The following DENND1B variants were observed in gnomAD, a reference collection of about 807,000 sequenced individuals.
DENND1B encodes the protein DENN domain containing 1B, also known as DENN domain-containing protein 1B.
In DENND1B, 59 loss-of-function variants were observed where a neutral mutation model predicts 90.1. That is an observed-to-expected ratio of 0.65 (90% CI 0.53 to 0.81). The LOEUF (loss-of-function observed/expected upper bound fraction) is 0.81. Ranked by LOEUF, DENND1B falls within the 40% of genes least tolerant of loss-of-function variation. The pLI, the probability that DENND1B is intolerant of heterozygous loss-of-function variation, is 0.00. For missense variants in DENND1B, 862 were observed against 912.6 expected (o/e 0.94, Z 0.71); for synonymous variants, 337 against 324.6 (o/e 1.04, Z -0.41).
rs192138166 is a variant in DENND1B at position 197,553,897 on chromosome 1, G to C, written c.1150-785C>G. Among the ~76,000 whole-genome samples the C allele has an allele frequency of 2.0e-5, 3 of 152,160 alleles. No homozygotes were observed. In the East Asian group the frequency reaches 5.8e-4, roughly 29 times the overall value. On this transcript the variant is annotated intron_variant, in intron 15 of 22. Transcript: ENST00000620048. ...AAAGAGGTTGGAGGAGTGGGAAACT[G>C]AAACTATCAAAAGCACCCGAAGATC... is the stretch of plus-strand genomic sequence containing the variant.
chr1:197,752,806 C>T (rs1392246299), intron 2 of DENND1B, among the ~76,000 whole-genome samples: 1 of 151,908 alleles, frequency 6.6e-6, no homozygotes, highest in East Asian at 1.9e-4. Flanking sequence ...CCACGACAGG[C>T]CCCGGTGTGT....
At chr1:197,704,174 T>A (rs984673768) in intron 3 of DENND1B, among the ~76,000 whole-genome samples, 1 of 152,092 alleles carries the variant, frequency 6.6e-6, no homozygotes, top group Admixed American at 6.6e-5. Context: ...GAGGTTGAGA[T>A]GGGAGGATCG....
At chr1:197,739,115 G>GA (rs1662982142) in intron 2 of DENND1B, among the ~76,000 whole-genome samples, 1 of 152,156 alleles carries the variant, frequency 6.6e-6, no homozygotes, top group Non-Finnish European at 1.5e-5. Flanking sequence ...TCACCCAAAA[G>GA]AAATGGGGGG....
chr1:197,757,222 G>T (rs1261165241), intron 2 of DENND1B: 1 of 152,044 alleles, frequency 6.6e-6, no homozygotes, highest in Non-Finnish European at 1.5e-5. Context: ...TTAAGACAAA[G>T]AAACAGGCTC....
chr1:197,603,429 G>A (rs1395005809), intron 13 of DENND1B, among the ~76,000 whole-genome samples: 1 of 150,892 alleles, frequency 6.6e-6, no homozygotes, highest in Non-Finnish European at 1.5e-5. Flanking sequence ...TCTGTGCCTT[G>A]ATTTTCTTAT....
At chr1:197,561,008 G>C (rs1358402694) in intron 15 of DENND1B, among the ~76,000 whole-genome samples, 1 of 151,914 alleles carries the variant, frequency 6.6e-6, no homozygotes, top group African/African-American at 2.4e-5. Flanking sequence ...AACTGCCTGT[G>C]CTCTTGCAAA....
intron 17 of DENND1B, among the ~76,000 whole-genome samples, 196 bp downstream of exon 17, chr1:197,546,537 A>C (rs1249654661): frequency 6.6e-6 from 1 of 152,224 alleles, no homozygotes; most frequent in African/African-American, 2.4e-5. Flanking sequence ...TTTGGACCAA[A>C]ACTTTCCATT....
At chr1:197,748,211 T>C (rs1247946220) in intron 2 of DENND1B, among the ~76,000 whole-genome samples, 1 of 127,642 alleles carries the variant, frequency 7.8e-6, no homozygotes, top group Non-Finnish European at 1.5e-5. Context: ...ATCCAAAATA[T>C]TCAGCGTGTA....
intron 15 of DENND1B, among the ~76,000 whole-genome samples, chr1:197,562,993 C>T (rs1323958870): frequency 6.6e-6 from 1 of 151,868 alleles, no homozygotes; most frequent in Non-Finnish European, 1.5e-5. Context: ...TCCTAACTCT[C>T]TTCAATTATA....
intron 9 of DENND1B, among the ~76,000 whole-genome samples, chr1:197,645,477 T>A (rs1031653915): frequency 2.6e-5 from 4 of 151,968 alleles, no homozygotes; most frequent in South Asian, 4.1e-4. Flanking sequence ...ATTTTCCTTA[T>A]CCACAACCAG....
At chr1:197,663,810 T>C (rs1228477815) in intron 5 of DENND1B, among the ~76,000 whole-genome samples, 13 of 152,046 alleles carry the variant, frequency 8.6e-5, no homozygotes, top group Admixed American at 7.9e-4. Flanking sequence ...GGTAATTGAA[T>C]TCACAACTCC....
At chr1:197,561,919 C>T (rs1244798292) in intron 15 of DENND1B, among the ~76,000 whole-genome samples, 1 of 151,826 alleles carries the variant, frequency 6.6e-6, no homozygotes, top group African/African-American at 2.4e-5. Context: ...TTCCACACTG[C>T]CATCAATTTC....
chr1:197,643,859 A>C (rs977036876), intron 9 of DENND1B, among the ~76,000 whole-genome samples: 1 of 152,214 alleles, frequency 6.6e-6, no homozygotes, highest in African/African-American at 2.4e-5. Context: ...ATTTTCTATA[A>C]TGAAACAAAT....
At chr1:197,514,137 G>A (rs1277595664) in intron 20 of DENND1B, among the ~76,000 whole-genome samples, 1 of 151,552 alleles carries the variant, frequency 6.6e-6, no homozygotes, top group Non-Finnish European at 1.5e-5. Context: ...ATAACGACTG[G>A]CTAAATCCAC....
At chr1:197,757,274 A>G (rs937318212) in intron 2 of DENND1B, 3 of 152,158 alleles carry the variant, frequency 2.0e-5, no homozygotes, top group Non-Finnish European at 2.9e-5. Flanking sequence ...TCTAACTCCA[A>G]TCTAACTCTA....
At chr1:197,746,026 C>A (rs926548659) in intron 2 of DENND1B, among the ~76,000 whole-genome samples, 1 of 152,160 alleles carries the variant, frequency 6.6e-6, no homozygotes, top group Admixed American at 6.5e-5. Context: ...GCATTTACGA[C>A]TAATCCATTA....
intron 2 of DENND1B, among the ~76,000 whole-genome samples, chr1:197,723,299 T>C (rs1240518163): frequency 1.3e-5 from 2 of 152,166 alleles, no homozygotes; most frequent in African/African-American, 4.8e-5. Flanking sequence ...ACAGGGCTAA[T>C]GGGTGAGAAT....
Position 197,506,349 on chromosome 1 carries a change from G to C in DENND1B, c.*4111C>G, listed in dbSNP as rs1667731578. ...ATACACTAACAATATTACTGGGTTTGACCCAGGAACATTAGTACTGACATA... is the reference window on the plus strand; with the variant it reads ...ATACACTAACAATATTACTGGGTTTCACCCAGGAACATTAGTACTGACATA... On this transcript the variant is annotated 3_prime_UTR_variant, in exon 23 of 23. Coordinates refer to ENST00000620048, the MANE Select transcript of DENND1B (RefSeq NM_001195215.2). The C allele has an allele frequency of 6.6e-6, 1 of 151,460 alleles. No individual in the cohort carries two copies. The highest frequency in any genetic ancestry group is 1.9e-4 in the East Asian group (1 of 5,156). 9.4% of individuals were successfully genotyped at this position (151,460 alleles called of 1,614,324 possible). A position where few individuals can be genotyped will look rare whatever the true frequency, so the allele number is the denominator to read the frequency against.
intron 10 of DENND1B, among the ~76,000 whole-genome samples, chr1:197,624,605 A>G (rs1461189182): frequency 6.6e-6 from 1 of 151,840 alleles, no homozygotes; most frequent in African/African-American, 2.4e-5. Flanking sequence ...TAAAAAGCAG[A>G]GCGCCTCTCC....
Sources: allele counts gnomAD v4.1 joint callset (sites outside exome capture counted in the v4.1 genomes callset), GRCh38; gene constraint gnomAD v4.1.1; transcripts MANE v1.5; gene names NCBI Gene and HGNC (gene_info 2026-07-23, HGNC 2026-07-21).